CEMIP: variants seen among roughly 807,000 people sequenced by gnomAD.
CEMIP encodes cell migration-inducing and hyaluronan-binding protein.
Under a neutral mutation model 156.9 loss-of-function variants are expected in CEMIP, and 105 were observed. The observed-to-expected ratio is 0.67, with a 90% CI of 0.57 to 0.79. CEMIP has a LOEUF of 0.79. Ranked by LOEUF, CEMIP falls within the 30% of genes least tolerant of loss-of-function variation. The pLI is 0.00. For synonymous variants in CEMIP, 676 were observed against 668.4 expected, an observed-to-expected ratio of 1.01 and a Z score of -0.17; for missense variants, 1,457 against 1,769.4, an observed-to-expected ratio of 0.82 and a Z score of 3.17.
At chr15:80,924,871 G>A (rs1900601979) in intron 18 of CEMIP, among the ~76,000 whole-genome samples, 165 bp downstream of exon 18, 2 of 152,186 alleles carry the variant, frequency 1.3e-5, no homozygotes, top group African/African-American at 4.8e-5. Flanking sequence ...CCTGAGCAGG[G>A]TAAAGTCTGA....
intron 1 of CEMIP, among the ~76,000 whole-genome samples, chr15:80,780,717 A>G (rs1159253346): frequency 6.6e-6 from 1 of 152,164 alleles, no homozygotes; most frequent in African/African-American, 2.4e-5. Flanking sequence ...GCGGTCTGGA[A>G]AGTGATCCAG....
chr15:80,841,115 G>C (rs1211543431), intron 1 of CEMIP, among the ~76,000 whole-genome samples: 1 of 152,220 alleles, frequency 6.6e-6, no homozygotes, highest in Non-Finnish European at 1.5e-5. Context: ...GGCTTTGCCA[G>C]CTGATGGCTG....
intron 1 of CEMIP, among the ~76,000 whole-genome samples, chr15:80,837,423 T>C (rs992995245): frequency 2.0e-5 from 3 of 152,168 alleles, no homozygotes; most frequent in Admixed American, 2.0e-4. Flanking sequence ...AAGAACACCA[T>C]TCTTTATGGC....
intron 12 of CEMIP, among the ~76,000 whole-genome samples, chr15:80,897,535 A>G (rs1899284900): frequency 1.3e-5 from 2 of 152,158 alleles, no homozygotes; most frequent in African/African-American, 4.8e-5. Flanking sequence ...GGGAGATGGT[A>G]ATTTGGTGAG....
At chr15:80,862,008 A>C (rs1897998023) in intron 1 of CEMIP, among the ~76,000 whole-genome samples, 1 of 152,132 alleles carries the variant, frequency 6.6e-6, no homozygotes, top group Non-Finnish European at 1.5e-5. Context: ...TGCCCAGGGA[A>C]CTGGGAATAA....
chr15:80,838,992 T>C (rs1897326745), intron 1 of CEMIP, among the ~76,000 whole-genome samples: 1 of 152,166 alleles, frequency 6.6e-6, no homozygotes, highest in Non-Finnish European at 1.5e-5. Flanking sequence ...TCACAGGGTG[T>C]CCAGCACTCA....
intron 21 of CEMIP, among the ~76,000 whole-genome samples, chr15:80,931,172 G>T (rs1416378810): frequency 6.6e-6 from 1 of 152,198 alleles, no homozygotes; most frequent in Non-Finnish European, 1.5e-5. Flanking sequence ...GCCTTCTTGG[G>T]GTTCTCTGTC....
rs770889852 is a variant in CEMIP, at chr15:80,936,746, C to G, written c.3082C>G (p.Leu1028Val). ...IIKNDFPSHP[L>V]YLEGALTRST... ...CAAGAATGACTTCCCCAGCCACCCT[C>G]TTTACCTGGAGGGGGCGCTCACCAG... The change falls in exon 24 of 30, where the codon CTT becomes GTT. Residue 1028 changes from leucine (L) to valine (V), a missense_variant. By Grantham distance (32) the Leu-to-Val change is conservative (BLOSUM62 1). This residue lies in a region of CEMIP where 798 missense variants were observed against 980.1 expected (regional missense o/e 0.81). Coordinates refer to ENST00000394685, the MANE Select transcript of CEMIP (RefSeq NM_001293298.2). 3.7e-6 allele frequency: 6 copies of G among 1,614,094 alleles called. No homozygotes were observed. Among genetic ancestry groups the G allele is most frequent in the African/African-American group, 1.3e-5 (1 of 74,948 alleles).
At chr15:80,816,305 T>G (rs1567057267) in intron 1 of CEMIP, among the ~76,000 whole-genome samples, 1 of 152,112 alleles carries the variant, frequency 6.6e-6, no homozygotes, top group Non-Finnish European at 1.5e-5. Context: ...CCACTCACAG[T>G]TTTCCAGGGA....
intron 6 of CEMIP, 146 bp downstream of exon 6, chr15:80,881,282 C>T: frequency 2.6e-6 from 2 of 779,952 alleles, no homozygotes; most frequent in Admixed American, 1.8e-5. Context: ...GAGTTCTGTC[C>T]TTCCCCAGGC....
At chr15:80,900,230 G>A (rs1899417424) in intron 12 of CEMIP, among the ~76,000 whole-genome samples, 1 of 152,204 alleles carries the variant, frequency 6.6e-6, no homozygotes, top group Non-Finnish European at 1.5e-5. Flanking sequence ...CCTACAGTGG[G>A]GTTGGGGTGT....
intron 1 of CEMIP, among the ~76,000 whole-genome samples, chr15:80,811,658 G>A (rs530784357): frequency 4.3e-4 from 65 of 152,314 alleles, no homozygotes; most frequent in African/African-American, 1.5e-3. Context: ...GGAGTCAAAC[G>A]ATCCTCCTGT....
intron 12 of CEMIP, among the ~76,000 whole-genome samples, chr15:80,900,668 G>GTTT (rs1899485058): frequency 6.8e-6 from 1 of 146,472 alleles, no homozygotes; most frequent in Non-Finnish European, 1.5e-5. Context: ...GTGTCTGTGT[G>GTTT]TGTGTGTGTA....
intron 1 of CEMIP, among the ~76,000 whole-genome samples, chr15:80,836,896 A>G (rs902385419): frequency 6.6e-6 from 1 of 152,228 alleles, no homozygotes; most frequent in African/African-American, 2.4e-5. Context: ...TGTAAGGGCT[A>G]AGCAGTGGAG....
At chr15:80,914,487 G>C (rs549211398) in intron 14 of CEMIP, among the ~76,000 whole-genome samples, 7 of 152,324 alleles carry the variant, frequency 4.6e-5, no homozygotes, top group Admixed American at 4.6e-4. Context: ...CTCCAGGGGT[G>C]CCATCTATAT....
chr15:80,891,970 A>G (rs10519298), intron 10 of CEMIP, among the ~76,000 whole-genome samples: 9,629 of 152,298 alleles, frequency 0.063, 547 homozygotes, highest in East Asian at 0.19. Context: ...GCATCAGCCA[A>G]AAGTTAAATG....
chr15:80,942,323 T>C lies in CEMIP; in HGVS notation c.3685T>C (p.Phe1229Leu), dbSNP rs773031976. The change falls in exon 27 of 30, where the codon TTC (phenylalanine) becomes CTC (leucine). Residue 1229 changes from phenylalanine to leucine, a missense_variant. By Grantham distance (22) the Phe-to-Leu change is conservative. Coordinates refer to ENST00000394685, the MANE Select transcript of CEMIP (RefSeq NM_001293298.2). ...KQHFFHLWND[F>L]AYIEVDGKKY... is the part of the protein sequence containing the mutation. ...GCACTTCTTCCACCTCTGGAACGAC[T>C]TCGCTTACATTGAAGTAAGTGCCTC... The C allele has an allele frequency of 6.2e-7, 1 of 1,613,982 alleles. No individual in the cohort carries two copies. Among genetic ancestry groups the C allele is most frequent in the South Asian group, 1.1e-5 (1 of 91,076 alleles).
chr15:80,928,818 G>A, intron 19 of CEMIP, 84 bp from the exon 20 acceptor site: 2 of 1,549,972 alleles, frequency 1.3e-6, no homozygotes, highest in Non-Finnish European at 8.9e-7. Context: ...TGACTCCAAG[G>A]GCAGGGAAGT....
chr15:80,829,992 G>GTGTGTGTGTT (rs1897123240), intron 1 of CEMIP, among the ~76,000 whole-genome samples: 1 of 146,534 alleles, frequency 6.8e-6, no homozygotes, highest in African/African-American at 2.5e-5. Context: ...GTGTGTGTGT[G>GTGTGTGTGTT]TGTGTGTGTG....
Sources: gnomAD v4.1 joint callset for allele counts (sites outside exome capture counted in the v4.1 genomes callset) on GRCh38, gnomAD v4.1.1 for gene constraint, gnomAD v4.1.1 regional missense constraint, MANE v1.5 for transcripts, NCBI Gene and HGNC (gene_info 2026-07-23, HGNC 2026-07-21) for gene names.